Variants in LARGE1 observed in about 807,000 individuals in gnomAD.
LARGE1 encodes xylosyl- and glucuronyltransferase LARGE1.
Under a neutral mutation model 87.6 loss-of-function variants are expected in LARGE1, and 43 were observed. The observed-to-expected ratio is 0.49, with a 90% CI of 0.38 to 0.63. LARGE1 has a LOEUF of 0.63. Among genes scored for constraint, LARGE1 ranks in the 30% least tolerant of loss-of-function variants. The pLI, the probability that LARGE1 is intolerant of heterozygous loss-of-function variation, is 0.00. For synonymous variants in LARGE1, 434 were observed against 394.6 expected, an observed-to-expected ratio of 1.10 and a Z score of -1.18; for missense variants, 802 against 1,000.2, an observed-to-expected ratio of 0.80 and a Z score of 2.67.
intron 10 of LARGE1, among the ~76,000 whole-genome samples, chr22:33,336,287 G>A (rs1398288572): frequency 2.6e-5 from 4 of 151,954 alleles, no homozygotes; most frequent in Non-Finnish European, 4.4e-5. Context: ...TGTAACCTCC[G>A]CCTCCCGGGT....
chr22:33,809,893 C>CA (rs1307585925), intron 1 of LARGE1, among the ~76,000 whole-genome samples: 1 of 149,652 alleles, frequency 6.7e-6, no homozygotes, highest in Non-Finnish European at 1.5e-5. Flanking sequence ...AAAAAAAAAA[C>CA]AAAAAAACTT....
intron 3 of LARGE1, among the ~76,000 whole-genome samples, chr22:33,640,738 G>A (rs753089847): frequency 6.6e-6 from 1 of 152,182 alleles, no homozygotes; most frequent in African/African-American, 2.4e-5. Flanking sequence ...GGATGATTGA[G>A]CTTGGTGGAG....
chr22:33,300,786 G>T (rs11089618), intron 12 of LARGE1, among the ~76,000 whole-genome samples: 6 of 151,856 alleles, frequency 4.0e-5, no homozygotes, highest in African/African-American at 1.2e-4. Context: ...GTGATTCACC[G>T]GCCTCGGCCT....
At chr22:33,542,044 C>G (rs1382567919) in intron 6 of LARGE1, among the ~76,000 whole-genome samples, 2 of 151,820 alleles carry the variant, frequency 1.3e-5, no homozygotes, top group African/African-American at 4.8e-5. Flanking sequence ...TGCCTGGAAT[C>G]CCAGCTACTC....
chr22:33,168,332 G>A (rs112010646), intron 11 of LARGE1, among the ~76,000 whole-genome samples: 6 of 152,228 alleles, frequency 3.9e-5, no homozygotes, highest in African/African-American at 1.4e-4. Context: ...TCTGTTCTAG[G>A]AGTAGCTGTA....
At chr22:33,472,479 T>C (rs1388085591) in intron 6 of LARGE1, among the ~76,000 whole-genome samples, 1 of 152,096 alleles carries the variant, frequency 6.6e-6, no homozygotes, top group Admixed American at 6.6e-5. Flanking sequence ...GTGGGGTATT[T>C]TGGAAACCTC....
At chr22:33,799,643 G>A (rs1183417005) in intron 1 of LARGE1, among the ~76,000 whole-genome samples, 3 of 152,062 alleles carry the variant, frequency 2.0e-5, no homozygotes, top group Non-Finnish European at 2.9e-5. Context: ...ATGTTGGTCA[G>A]GCTGGTCTCG....
At chr22:33,855,333 C>A (rs1017674841) in intron 1 of LARGE1, among the ~76,000 whole-genome samples, 2 of 151,362 alleles carry the variant, frequency 1.3e-5, no homozygotes, top group African/African-American at 2.4e-5. Context: ...GACCCCGTCT[C>A]AAAAAAAATA....
intron 2 of LARGE1, among the ~76,000 whole-genome samples, chr22:33,659,003 C>A (rs1340100995): frequency 1.3e-5 from 2 of 152,152 alleles, no homozygotes; most frequent in Non-Finnish European, 2.9e-5. Context: ...CATCATGTGA[C>A]CCAGACCCAC....
At position 33,264,636 on chromosome 22, in the gene LARGE1, G is replaced by A. The variant is rs537047839; in HGVS notation, c.1730+39593C>T. 3.9e-5 allele frequency among the ~76,000 whole-genome samples: 6 copies of A among 152,290 alleles called. No homozygotes were observed. The South Asian group carries it at 1.2e-3, about 32-fold the overall frequency. ...ATTGCACCACTACACTCCAGCCCGA[G>A]CGACAGAGTGAGACTTCATATCAAA... is the stretch of plus-strand genomic sequence containing the variant. On this transcript the variant is annotated intron_variant, in intron 11 of 11. Transcript: ENST00000608642.
chr22:33,519,826 A>AAAAAGAG (rs1417998974), intron 6 of LARGE1, among the ~76,000 whole-genome samples: 1 of 152,150 alleles, frequency 6.6e-6, no homozygotes, highest in African/African-American at 2.4e-5. Context: ...GACGCTGGGT[A>AAAAAGAG]AAAAGAGAAC....
At position 33,644,423 on chromosome 22, in the gene LARGE1, G is replaced by A. The variant is rs181286756; in HGVS notation, c.408+5944C>T. Among the ~76,000 whole-genome samples the A allele has an allele frequency of 8.4e-3, 1,283 of 152,214 alleles. 13 individuals carry two copies. Among genetic ancestry groups the A allele is most frequent in the Non-Finnish European group, 0.014 (960 of 68,002 alleles). On this transcript the variant is annotated intron_variant, in intron 3 of 14. Coordinates refer to ENST00000397394, the MANE Select transcript of LARGE1 (RefSeq NM_133642.5). ...GATGGAACAAATCTCAAAATAACAA[G>A]AGCTATTTATGACAAACCCACAGCC...
intron 9 of LARGE1, among the ~76,000 whole-genome samples, chr22:33,377,870 A>G (rs1214215482): frequency 1.3e-5 from 2 of 152,188 alleles, no homozygotes; most frequent in Non-Finnish European, 2.9e-5. Flanking sequence ...TTCAATAATC[A>G]TATCTTTCAC....
At chr22:33,902,767 CA>C (rs2065320210) in intron 1 of LARGE1, among the ~76,000 whole-genome samples, 1 of 152,188 alleles carries the variant, frequency 6.6e-6, no homozygotes, top group African/African-American at 2.4e-5. Flanking sequence ...TCCCCTCCCC[CA>C]ACTTCGTATG....
At chr22:33,217,824 C>T (rs1044794743) in intron 11 of LARGE1, among the ~76,000 whole-genome samples, 6 of 152,148 alleles carry the variant, frequency 3.9e-5, no homozygotes, top group Non-Finnish European at 8.8e-5. Context: ...CACTGTGTTG[C>T]CCAGGCTGGT....
chr22:33,358,478 A>G (rs2064260787), intron 9 of LARGE1, among the ~76,000 whole-genome samples: 1 of 152,196 alleles, frequency 6.6e-6, no homozygotes, highest in Admixed American at 6.6e-5. Flanking sequence ...AGAAACTGAC[A>G]CAACTCTAAC....
intron 6 of LARGE1, among the ~76,000 whole-genome samples, chr22:33,494,852 G>A (rs1236384749): frequency 2.0e-5 from 3 of 152,120 alleles, no homozygotes; most frequent in Non-Finnish European, 4.4e-5. Context: ...AAAGATAATC[G>A]GCTCTCTGGG....
intron 1 of LARGE1, among the ~76,000 whole-genome samples, chr22:33,903,313 C>A (rs369579829): frequency 3.3e-5 from 5 of 152,172 alleles, no homozygotes; most frequent in South Asian, 2.1e-4. Flanking sequence ...TTGCCAACAC[C>A]CTGATCTCAG....
chr22:33,470,499 A>C (rs1305972598), intron 6 of LARGE1, among the ~76,000 whole-genome samples: 1 of 152,158 alleles, frequency 6.6e-6, no homozygotes, highest in Non-Finnish European at 1.5e-5. Flanking sequence ...AAGATCTTAG[A>C]ATCTATTCCT....
Sources: allele counts gnomAD v4.1 joint callset (sites outside exome capture counted in the v4.1 genomes callset), GRCh38; gene constraint gnomAD v4.1.1; transcripts MANE v1.5; gene names NCBI Gene and HGNC (gene_info 2026-07-23, HGNC 2026-07-21).